The following SLC9A9 variants were observed in gnomAD, a reference collection of about 807,000 sequenced individuals.
SLC9A9 encodes the protein sodium/hydrogen exchanger 9.
Under a neutral mutation model 77.8 loss-of-function variants are expected in SLC9A9, and 62 were observed. That is an observed-to-expected ratio of 0.80 (90% CI 0.65 to 0.98). The LOEUF is 0.98. SLC9A9 is among the 50% of genes least tolerant of loss of function. The pLI is 0.00. For missense variants in SLC9A9, 775 were observed against 774.9 expected (o/e 1.00, Z 0.00); for synonymous variants, 320 against 283.5 (o/e 1.13, Z -1.29).
At chr3:143,661,907 T>C (rs1055298255) in intron 5 of SLC9A9, among the ~76,000 whole-genome samples, 6 of 152,152 alleles carry the variant, frequency 3.9e-5, no homozygotes, top group Admixed American at 6.5e-5. Flanking sequence ...AAAAACTACT[T>C]ATCGAGCACC....
chr3:143,371,051 AAGG>A (rs1445914617), intron 13 of SLC9A9, among the ~76,000 whole-genome samples: 2 of 152,080 alleles, frequency 1.3e-5, no homozygotes, highest in African/African-American at 2.4e-5. Context: ...TGTGTACAGA[AAGG>A]AGGAAACTGC....
Position 143,531,936 on chromosome 3 carries a change from C to A in SLC9A9, c.1089+20426G>T, listed in dbSNP as rs568804500. 9.9e-5 allele frequency among the ~76,000 whole-genome samples: 15 copies of A among 152,248 alleles called. 1 individual carries two copies. Among genetic ancestry groups the A allele is most frequent in the African/African-American group, 3.6e-4 (15 of 41,550 alleles). ...TCATTCTCATTCTATCCTGAGGATA[C>A]AATGGAGGTTTCCAGAGGCTACATA... On this transcript the variant is annotated intron_variant, in intron 9 of 15. Coordinates refer to ENST00000316549, the MANE Select transcript of SLC9A9 (RefSeq NM_173653.4).
chr3:143,509,396 G>T (rs151303274), intron 9 of SLC9A9, among the ~76,000 whole-genome samples: 275 of 152,224 alleles, frequency 1.8e-3, no homozygotes, highest in African/African-American at 6.2e-3. Context: ...TTAAACTCCA[G>T]AAAATTCTTA....
intron 12 of SLC9A9, among the ~76,000 whole-genome samples, chr3:143,457,843 G>T (rs1195099666): frequency 2.0e-5 from 3 of 152,076 alleles, no homozygotes; most frequent in East Asian, 3.8e-4. Context: ...AATTAGAAAA[G>T]GTTTTATGAC....
intron 1 of SLC9A9, among the ~76,000 whole-genome samples, chr3:143,836,527 C>T (rs551453264): frequency 6.6e-6 from 1 of 152,312 alleles, no homozygotes; most frequent in South Asian, 2.1e-4. Context: ...AGTCCCTGTC[C>T]TTGCAGAGTG....
At chr3:143,621,613 G>C (rs1456019146) in intron 6 of SLC9A9, among the ~76,000 whole-genome samples, 2 of 152,076 alleles carry the variant, frequency 1.3e-5, no homozygotes, top group African/African-American at 4.8e-5. Context: ...AAACCCATCT[G>C]TATGTCACCA....
At chr3:143,627,368 A>C (rs1378069845) in intron 6 of SLC9A9, 2 of 213,062 alleles carry the variant, frequency 9.4e-6, no homozygotes, top group Non-Finnish European at 2.0e-5. Context: ...GCTTGGCAGC[A>C]GCAATCACCA....
At chr3:143,683,089 T>C (rs1322897613) in intron 5 of SLC9A9, among the ~76,000 whole-genome samples, 2 of 152,158 alleles carry the variant, frequency 1.3e-5, no homozygotes, top group Non-Finnish European at 2.9e-5. Context: ...TGTGGTTATG[T>C]TTAAAATTAT....
intron 6 of SLC9A9, among the ~76,000 whole-genome samples, chr3:143,612,777 T>G (rs1413919997): frequency 6.6e-6 from 1 of 152,204 alleles, no homozygotes; most frequent in Non-Finnish European, 1.5e-5. Context: ...ACCAGAATGT[T>G]CCAGCCTGCC....
intron 10 of SLC9A9, among the ~76,000 whole-genome samples, chr3:143,494,758 G>C (rs533876524): frequency 6.6e-6 from 1 of 152,084 alleles, no homozygotes; most frequent in Non-Finnish European, 1.5e-5. Context: ...TTAAAAGTGG[G>C]GTCTAGATTT....
chr3:143,285,866 G>A (rs1938366642), intron 14 of SLC9A9, among the ~76,000 whole-genome samples: 1 of 152,156 alleles, frequency 6.6e-6, no homozygotes, highest in Non-Finnish European at 1.5e-5. Flanking sequence ...GAAGGGGAGA[G>A]GACCATGGAA....
chr3:143,794,419 G>A lies in SLC9A9; in HGVS notation c.533+582C>T, dbSNP rs562470210. The stretch of plus-strand genomic sequence containing the variant: ...TTGGTACCACATTTTACTTTATGAT[G>A]AGCTGCAAGCCAGAGTATATAACGT... On this transcript the variant is annotated intron_variant, in intron 4 of 15. Coordinates refer to ENST00000316549, the MANE Select transcript of SLC9A9 (RefSeq NM_173653.4). Among the ~76,000 whole-genome samples, 11 of 151,844 alleles carry A rather than the reference G, an allele frequency of 7.2e-5. No homozygotes were observed. The South Asian group carries it at 1.7e-3, about 23-fold the overall frequency.
intron 14 of SLC9A9, among the ~76,000 whole-genome samples, chr3:143,334,793 T>C (rs1332237567): frequency 6.6e-6 from 1 of 152,142 alleles, no homozygotes; most frequent in East Asian, 1.9e-4. Context: ...CCCCAACTCA[T>C]AAAGATATGC....
At chr3:143,457,811 C>A (rs2035120354) in intron 12 of SLC9A9, among the ~76,000 whole-genome samples, 2 of 152,102 alleles carry the variant, frequency 1.3e-5, no homozygotes, top group South Asian at 4.1e-4. Context: ...AGAACAAACA[C>A]TGTATGTTAT....
intron 12 of SLC9A9, among the ~76,000 whole-genome samples, chr3:143,431,148 C>T (rs1007129296): frequency 5.9e-5 from 9 of 151,996 alleles, no homozygotes; most frequent in Non-Finnish European, 1.2e-4. Flanking sequence ...GTCTGGTGCC[C>T]CTAAATCTTT....
At chr3:143,712,044 G>A (rs926256228) in intron 4 of SLC9A9, among the ~76,000 whole-genome samples, 3 of 152,090 alleles carry the variant, frequency 2.0e-5, no homozygotes, top group Non-Finnish European at 4.4e-5. Flanking sequence ...CTATCACCTC[G>A]ATATATGGAC....
chr3:143,271,253 T>C (rs2108397589), intron 14 of SLC9A9, among the ~76,000 whole-genome samples: 1 of 152,332 alleles, frequency 6.6e-6, no homozygotes, highest in South Asian at 2.1e-4. Context: ...GCTAAATGTG[T>C]AGCTTTTAGT....
chr3:143,565,597 A>G (rs1037227608), intron 8 of SLC9A9, among the ~76,000 whole-genome samples: 2 of 152,150 alleles, frequency 1.3e-5, no homozygotes, highest in Non-Finnish European at 2.9e-5. Flanking sequence ...GTGTTTATTG[A>G]GATGGCATCA....
At chr3:143,663,405 TCTC>T (rs1333452270) in intron 5 of SLC9A9, among the ~76,000 whole-genome samples, 2 of 152,190 alleles carry the variant, frequency 1.3e-5, no homozygotes, top group Admixed American at 6.5e-5. Context: ...GAGCACCTCT[TCTC>T]CTCCAAAGAA....
Sources: gnomAD v4.1 joint callset for allele counts (sites outside exome capture counted in the v4.1 genomes callset) on GRCh38, gnomAD v4.1.1 for gene constraint, MANE v1.5 for transcripts, NCBI Gene and HGNC (gene_info 2026-07-23, HGNC 2026-07-21) for gene names.